Variants in FOXRED1 observed in about 807,000 individuals in gnomAD.
FOXRED1 encodes FAD dependent oxidoreductase domain containing 1.
A neutral mutation model predicts 57.8 loss-of-function variants in FOXRED1; 52 were observed. That is an observed-to-expected ratio of 0.90 (90% CI 0.72 to 1.13). The LOEUF (loss-of-function observed/expected upper bound fraction) is 1.13. Ranked by LOEUF, FOXRED1 falls within the 50% of genes most tolerant of loss-of-function variation. FOXRED1 has a pLI of 0.00. For synonymous variants in FOXRED1, 271 were observed against 248.3 expected, an observed-to-expected ratio of 1.09 and a Z score of -0.86; for missense variants, 589 against 625.2, an observed-to-expected ratio of 0.94 and a Z score of 0.62.
Position 126,273,078 on chromosome 11 carries a change from A to G in FOXRED1, c.416A>G (p.Asn139Ser), listed in dbSNP as rs751899225. ...LFSASFLRNI[N>S]EYLAVVDAPP... ...TCAGCCAGCTTTCTACGGAACATCA[A>G]TGTAGGTGCAATGATATCCGGGATG... The change falls in exon 3 of 11, where the codon AAT becomes AGT. Residue 139 changes from asparagine (N) to serine (S), a missense_variant and splice_region_variant. By Grantham distance (46) the Asn-to-Ser change is conservative. Coordinates refer to ENST00000263578, the MANE Select transcript of FOXRED1 (RefSeq NM_017547.4). This position sits in a 1 kb window ranked among gnomAD's most constrained non-coding sequence, Gnocchi z 5.9. The G allele has an allele frequency of 6.7e-6, 10 of 1,496,690 alleles. No homozygotes were observed. Among genetic ancestry groups the G allele is most frequent in the South Asian group, 4.5e-5 (4 of 88,786 alleles). The allele number at this position is 1,496,690 out of a possible 1,614,324, so 92.7% of individuals were successfully genotyped here.
chr11:126,274,791 A>C lies in FOXRED1; in HGVS notation c.537-136A>C, dbSNP rs1349153387. Reference sequence around the variant, plus strand: ...GGTCTTCAGCCGCTCAGCAATGAGGAAAAATAGGGGCATTTGGGGCAGAGA... The same window carrying C: ...GGTCTTCAGCCGCTCAGCAATGAGGCAAAATAGGGGCATTTGGGGCAGAGA... On this transcript the variant is annotated intron_variant, in intron 4 of 10. Coordinates refer to ENST00000263578, the MANE Select transcript of FOXRED1 (RefSeq NM_017547.4). The surrounding 1 kb of genome is among the most constrained non-coding windows in gnomAD (Gnocchi z 4.8). The C allele has an allele frequency of 2.7e-6, 2 of 741,120 alleles. No homozygotes were observed. Among genetic ancestry groups the C allele is most frequent in the Admixed American group, 1.9e-5 (1 of 52,632 alleles). 45.9% of individuals were successfully genotyped at this position (741,120 alleles called of 1,614,324 possible).
chr11:126,271,657 G>A lies in FOXRED1; in HGVS notation c.306G>A (p.Thr102=), dbSNP rs761493658. The change falls in exon 2 of 11, where the codon ACG becomes ACA. Residue 102 remains threonine (T), a splice_region_variant and synonymous_variant. Coordinates refer to ENST00000263578, the MANE Select transcript of FOXRED1 (RefSeq NM_017547.4). This position sits in a 1 kb window ranked among gnomAD's most constrained non-coding sequence, Gnocchi z 5.3. ...TGCTAGTGGTGGAACGGGACCACACGGTGAGGTCTGGGGTAGGGCAGAGTC... is the reference window on the plus strand; with the variant it reads ...TGCTAGTGGTGGAACGGGACCACACAGTGAGGTCTGGGGTAGGGCAGAGTC... ...IRVLVVERDH[T]YSQASTGLSV... The A allele has an allele frequency of 1.1e-5, 17 of 1,611,624 alleles. No individual in the cohort carries two copies. The highest frequency in any genetic ancestry group is 1.7e-5 in the Admixed American group (1 of 60,016).
rs1281509916 is a variant in FOXRED1 at position 126,275,525 on chromosome 11, G to T, written c.733+97G>T. 3 of 932,458 alleles carry T rather than the reference G, an allele frequency of 3.2e-6. No individual in the cohort carries two copies. The highest frequency in any genetic ancestry group is 1.8e-6 in the Non-Finnish European group (1 of 568,742). 57.8% of individuals were successfully genotyped at this position (932,458 alleles called of 1,614,324 possible). On this transcript the variant is annotated intron_variant, in intron 6 of 10. Coordinates refer to ENST00000263578, the MANE Select transcript of FOXRED1 (RefSeq NM_017547.4). The surrounding 1 kb of genome is among the most constrained non-coding windows in gnomAD (Gnocchi z 5.9). ...GCTAAGCAAGGGCTGGAGGGGGAAA[G>T]GGGTCTCCCTGAGAGCAGGTCCTAG...
intron 1 of FOXRED1, among the ~76,000 whole-genome samples, chr11:126,270,156 C>T (rs1950941238): frequency 1.3e-5 from 2 of 152,090 alleles, no homozygotes; most frequent in Admixed American, 1.3e-4. Flanking sequence ...TAACTGAGTG[C>T]AGACTAGGAG....
Position 126,277,809 on chromosome 11 carries a change from CCT to C in FOXRED1, c.*124_*125del. ...CTTCTCCCCCTCCCCAGTGTCCTCTCCTCTCAGGCAGGCCATTGCACCCATAT... is the reference window on the plus strand; with the variant it reads ...CTTCTCCCCCTCCCCAGTGTCCTCTCCTCAGGCAGGCCATTGCACCCATAT... On this transcript the variant is annotated 3_prime_UTR_variant, in exon 11 of 11. Transcript: ENST00000263578. The surrounding 1 kb of genome is among the most constrained non-coding windows in gnomAD (Gnocchi z 6.8). 8.9e-7 allele frequency: 1 copy of C among 1,129,324 alleles called. No homozygotes were observed. The highest frequency in any genetic ancestry group is 1.2e-5 in the South Asian group (1 of 80,386). The allele number at this position is 1,129,324 out of a possible 1,614,324, so 70.0% of individuals were successfully genotyped here. A position where few individuals can be genotyped will look rare whatever the true frequency, so the allele number is the denominator to read the frequency against.
At position 126,277,226 on chromosome 11, in the gene FOXRED1, C is replaced by A; in HGVS notation, c.1206+51C>A. 7.7e-7 allele frequency: 1 copy of A among 1,305,318 alleles called. No homozygotes were observed. The highest frequency in any genetic ancestry group is 1.1e-6 in the Non-Finnish European group (1 of 899,794). 80.9% of individuals were successfully genotyped at this position (1,305,318 alleles called of 1,614,324 possible). ...TTTTATTTTTGGACATTGGATGGGA[C>A]AGATGACAGTGGAGCACATTGGTCC... On this transcript the variant is annotated intron_variant, in intron 10 of 10. Coordinates refer to ENST00000263578, the MANE Select transcript of FOXRED1 (RefSeq NM_017547.4). This position sits in a 1 kb window ranked among gnomAD's most constrained non-coding sequence, Gnocchi z 6.8.
intron 9 of FOXRED1, chr11:126,276,813 T>C (rs1591365185): frequency 2.0e-6 from 1 of 494,694 alleles, no homozygotes. Flanking sequence ...GAGGCTGAGG[T>C]TGCAGTGAGC....
In FOXRED1 at chr11:126,275,778, AT is replaced by A. The variant is rs1951111947; in HGVS notation, c.734-12del. On this transcript the variant is annotated splice_polypyrimidine_tract_variant and intron_variant, in intron 6 of 10. Coordinates refer to ENST00000263578, the MANE Select transcript of FOXRED1 (RefSeq NM_017547.4). This position sits in a 1 kb window ranked among gnomAD's most constrained non-coding sequence, Gnocchi z 5.9. ...TCAGCACCTCTACGGCCTATTTTTC[AT>A]TTTCTTCTCTGCAGGTTTTGTCTCT... is the stretch of plus-strand genomic sequence containing the variant. The A allele has an allele frequency of 6.3e-7, 1 of 1,585,480 alleles. No homozygotes were observed. The highest frequency in any genetic ancestry group is 1.3e-5 in the African/African-American group (1 of 74,134).
In FOXRED1 at chr11:126,274,885, C is replaced by T. The variant is rs1951087041; in HGVS notation, c.537-42C>T. 4.3e-6 allele frequency: 5 copies of T among 1,153,704 alleles called. No homozygotes were observed. Among genetic ancestry groups the T allele is most frequent in the Non-Finnish European group, 6.6e-6 (5 of 759,370 alleles). 71.5% of individuals were successfully genotyped at this position (1,153,704 alleles called of 1,614,324 possible). A position where few individuals can be genotyped will look rare whatever the true frequency, so the allele number is the denominator to read the frequency against. The stretch of plus-strand genomic sequence containing the variant: ...CCATACATCATCCCCCTGCACACTC[C>T]CCTCTCTGACACACATACACCGACC... On this transcript the variant is annotated intron_variant, in intron 4 of 10. Transcript: ENST00000263578. The surrounding 1 kb of genome is among the most constrained non-coding windows in gnomAD (Gnocchi z 4.8).
Position 126,274,831 on chromosome 11 carries a change from G to C in FOXRED1, c.537-96G>C. On this transcript the variant is annotated intron_variant, in intron 4 of 10. Transcript: ENST00000263578. The surrounding 1 kb of genome is among the most constrained non-coding windows in gnomAD (Gnocchi z 4.8). ...TGGGGCAGAGAAGTGACATGACTGA[G>C]CTGGACTCCCCACTTGTGGAGTTGG... The C allele has an allele frequency of 1.2e-6, 1 of 808,252 alleles. No homozygotes were observed. Among genetic ancestry groups the C allele is most frequent in the Non-Finnish European group, 2.2e-6 (1 of 445,132 alleles). The allele number at this position is 808,252 out of a possible 1,614,324, so 50.1% of individuals were successfully genotyped here.
Position 126,269,216 on chromosome 11 carries a change from A to T in FOXRED1, c.10A>T (p.Arg4Trp), listed in dbSNP as rs149883459. MIRRVLPHGMGRGL... is the reference protein window; with the variant it reads MIRWVLPHGMGRGL... Reference sequence around the variant, plus strand: ...CGGGCTCAGAGGGGTTATGATTCGGAGGGTTCTGCCGCACGGCATGGGCCG... The same window carrying T: ...CGGGCTCAGAGGGGTTATGATTCGGTGGGTTCTGCCGCACGGCATGGGCCG... Residue 4 changes from arginine (R) to tryptophan (W), a missense_variant, in exon 1 of 11, where the codon AGG becomes TGG. Physicochemically the swap from Arg to Trp is moderately radical, Grantham distance 101. Transcript: ENST00000263578. The T allele has an allele frequency of 6.8e-6, 11 of 1,613,540 alleles. No individual in the cohort carries two copies. Among genetic ancestry groups the T allele is most frequent in the Admixed American group, 3.3e-5 (2 of 60,032 alleles).
rs769222203 is a variant in FOXRED1, at chr11:126,278,014, C to T, written c.*325C>T. 1.8e-6 allele frequency: 1 copy of T among 560,054 alleles called. No individual in the cohort carries two copies. Among genetic ancestry groups the T allele is most frequent in the Non-Finnish European group, 3.4e-6 (1 of 295,438 alleles). 34.7% of individuals were successfully genotyped at this position (560,054 alleles called of 1,614,324 possible). ...TGACCAGGAAAGACTGCCTCTGACC[C>T]TCTTAGCAGACAGAGCCCAGGCATG... On this transcript the variant is annotated 3_prime_UTR_variant, in exon 11 of 11. Transcript: ENST00000263578. This position sits in a 1 kb window ranked among gnomAD's most constrained non-coding sequence, Gnocchi z 4.8.
chr11:126,273,704 C>T lies in FOXRED1; in HGVS notation c.536+250C>T, dbSNP rs1478890850. The T allele has an allele frequency of 5.8e-6, 3 of 517,508 alleles. No individual in the cohort carries two copies. The highest frequency in any genetic ancestry group is 1.1e-5 in the Non-Finnish European group (3 of 284,394). 32.1% of individuals were successfully genotyped at this position (517,508 alleles called of 1,614,324 possible). On this transcript the variant is annotated intron_variant, in intron 4 of 10. Coordinates refer to ENST00000263578, the MANE Select transcript of FOXRED1 (RefSeq NM_017547.4). This position sits in a 1 kb window ranked among gnomAD's most constrained non-coding sequence, Gnocchi z 5.9. ...AAACCACCTGGAACACATCCCAGAC[C>T]TAATAAACCAGAATCTCTAGGGAAG...
At position 126,277,520 on chromosome 11, in the gene FOXRED1, T is replaced by A. The variant is rs768815116; in HGVS notation, c.1292T>A (p.Met431Lys). The A allele has an allele frequency of 1.9e-6, 3 of 1,613,744 alleles. No individual in the cohort carries two copies. The highest frequency in any genetic ancestry group is 2.5e-6 in the Non-Finnish European group (3 of 1,180,002). Residue 431 changes from methionine to lysine, a missense_variant, in exon 11 of 11, where the codon ATG becomes AAG. Coordinates refer to ENST00000263578, the MANE Select transcript of FOXRED1 (RefSeq NM_017547.4). The surrounding 1 kb of genome is among the most constrained non-coding windows in gnomAD (Gnocchi z 6.8). ...VVGPHPLVVN[M>K]YFATGFSGHG... ...GGCCCCCACCCGCTAGTTGTCAACATGTACTTTGCTACTGGCTTCAGTGGT... is the reference window on the plus strand; with the variant it reads ...GGCCCCCACCCGCTAGTTGTCAACAAGTACTTTGCTACTGGCTTCAGTGGT...
At chr11:126,276,581 C>T in intron 9 of FOXRED1, 58 bp downstream of exon 9, 1 of 1,577,584 alleles carries the variant, frequency 6.3e-7, no homozygotes, top group South Asian at 1.1e-5. Flanking sequence ...TGTCACGAAA[C>T]AATCAGGCTT....
In FOXRED1 at chr11:126,271,748, G is replaced by A. The variant is rs1327803396; in HGVS notation, c.306+91G>A. ...CTAGCGACAAGGGAAGGAGAGGAGGGGAAGACCTCAATCTCGGAGGGTCCA... is the reference window on the plus strand; with the variant it reads ...CTAGCGACAAGGGAAGGAGAGGAGGAGAAGACCTCAATCTCGGAGGGTCCA... On this transcript the variant is annotated intron_variant, in intron 2 of 10. Coordinates refer to ENST00000263578, the MANE Select transcript of FOXRED1 (RefSeq NM_017547.4). The surrounding 1 kb of genome is among the most constrained non-coding windows in gnomAD (Gnocchi z 5.3). The A allele has an allele frequency of 9.4e-7, 1 of 1,063,810 alleles. No homozygotes were observed. Among genetic ancestry groups the A allele is most frequent in the East Asian group, 2.4e-5 (1 of 41,582 alleles). 65.9% of individuals were successfully genotyped at this position (1,063,810 alleles called of 1,614,324 possible).
In FOXRED1 at chr11:126,271,356, C is replaced by G; in HGVS notation, c.86-81C>G. 2.9e-6 allele frequency: 3 copies of G among 1,035,298 alleles called. No homozygotes were observed. Among genetic ancestry groups the G allele is most frequent in the Non-Finnish European group, 4.6e-6 (3 of 655,230 alleles). The allele number at this position is 1,035,298 out of a possible 1,614,324, so 64.1% of individuals were successfully genotyped here. On this transcript the variant is annotated intron_variant, in intron 1 of 10. Coordinates refer to ENST00000263578, the MANE Select transcript of FOXRED1 (RefSeq NM_017547.4). This position sits in a 1 kb window ranked among gnomAD's most constrained non-coding sequence, Gnocchi z 5.3. ...CAACTCATGTGTCTGTTTAGCTCAC[C>G]TTTTCCTGTGCCCATCCTCCAACCC... is the stretch of plus-strand genomic sequence containing the variant.
Position 126,276,407 on chromosome 11 carries a change from T to C in FOXRED1, c.985T>C (p.Trp329Arg). ...VEPRKRYVYV[W>R]HCPQGPGLET... The stretch of plus-strand genomic sequence containing the variant: ...TGGTTGTGGCAGGTATGTGTATGTG[T>C]GGCACTGCCCCCAGGGACCAGGCCT... Residue 329 changes from tryptophan to arginine, a missense_variant, in exon 9 of 11, where the codon TGG becomes CGG. Physicochemically the swap from Trp to Arg is moderately radical, Grantham distance 101. Transcript: ENST00000263578. 7.0e-7 allele frequency: 1 copy of C among 1,432,268 alleles called. No homozygotes were observed. The highest frequency in any genetic ancestry group is 9.4e-7 in the Non-Finnish European group (1 of 1,066,798). 88.7% of individuals were successfully genotyped at this position (1,432,268 alleles called of 1,614,324 possible). A position where few individuals can be genotyped will look rare whatever the true frequency, so the allele number is the denominator to read the frequency against.
chr11:126,274,693 C>T lies in FOXRED1; in HGVS notation c.537-234C>T, dbSNP rs1951082782. On this transcript the variant is annotated intron_variant, in intron 4 of 10. Transcript: ENST00000263578. This position sits in a 1 kb window ranked among gnomAD's most constrained non-coding sequence, Gnocchi z 4.8. ...GAATAGACTGGGATAGCAGGGAGCTCTGTGTGCTGAAGGGAGACAAGGGAG... is the reference window on the plus strand; with the variant it reads ...GAATAGACTGGGATAGCAGGGAGCTTTGTGTGCTGAAGGGAGACAAGGGAG... 2 of 557,568 alleles carry T rather than the reference C, an allele frequency of 3.6e-6. No individual in the cohort carries two copies. The highest frequency in any genetic ancestry group is 6.5e-6 in the Non-Finnish European group (2 of 308,970). The allele number at this position is 557,568 out of a possible 1,614,324, so 34.5% of individuals were successfully genotyped here. A position where few individuals can be genotyped will look rare whatever the true frequency, so the allele number is the denominator to read the frequency against.
Sources: allele counts gnomAD v4.1 joint callset (sites outside exome capture counted in the v4.1 genomes callset), GRCh38; gene constraint gnomAD v4.1.1; non-coding constraint Gnocchi (gnomAD v3.1); transcripts MANE v1.5; gene names NCBI Gene and HGNC (gene_info 2026-07-23, HGNC 2026-07-21).